Variants in PHKA1 observed in about 807,000 individuals in gnomAD.
The protein encoded by PHKA1 is phosphorylase b kinase regulatory subunit alpha, skeletal muscle isoform.
A neutral mutation model predicts 110.2 loss-of-function variants in PHKA1; 60 were observed. That is an observed-to-expected ratio of 0.54 (90% confidence interval 0.44 to 0.68). PHKA1 has a LOEUF of 0.68. Ranked by LOEUF, PHKA1 falls within the 30% of genes least tolerant of loss-of-function variation. PHKA1 has a pLI of 0.00. For synonymous variants in PHKA1, 316 were observed against 333.6 expected (o/e 0.95, Z 0.58); for missense variants, 801 against 942.5 (o/e 0.85, Z 1.97).
Position 72,669,298 on chromosome X carries a change from T to G in PHKA1, c.619-1825A>C, listed in dbSNP as rs782091386. Among the ~76,000 whole-genome samples, 38 of 112,161 alleles carry G rather than the reference T, an allele frequency of 3.4e-4. 1 individual carries two copies. The highest frequency in any genetic ancestry group is 9.4e-5 in the Admixed American group (1 of 10,599). ...TTGCTCTAGCGGGGGCTCTCTGTTG[T>G]GGTTCCACCCCTGTGACAAGTCTCT... On this transcript the variant is annotated intron_variant, in intron 6 of 31. Coordinates refer to ENST00000373542, the MANE Select transcript of PHKA1 (RefSeq NM_002637.4).
intron 1 of PHKA1, 80 bp downstream of exon 1, chrX:72,713,723 G>A (rs2054421086): frequency 1.1e-5 from 8 of 730,874 alleles, no homozygotes; most frequent in Non-Finnish European, 1.7e-5. Flanking sequence ...CGCACGCACG[G>A]AGTTCATCCA....
intron 28 of PHKA1, among the ~76,000 whole-genome samples, chrX:72,595,064 A>T (rs903611095): frequency 2.7e-5 from 3 of 111,874 alleles, no homozygotes; most frequent in Non-Finnish European, 5.6e-5. Context: ...AGAAAACCAA[A>T]TTCAGTGATA....
chrX:72,686,571 G>C (rs2030370172), intron 4 of PHKA1, among the ~76,000 whole-genome samples: 1 of 111,870 alleles, frequency 8.9e-6, no homozygotes. Context: ...TCACTACAAT[G>C]TTGCAATGAG....
At chrX:72,683,660 A>G (rs1556317843) in intron 5 of PHKA1, among the ~76,000 whole-genome samples, 1 of 112,214 alleles carries the variant, frequency 8.9e-6, no homozygotes, top group African/African-American at 3.2e-5. Flanking sequence ...CTCCTGAGGC[A>G]ATCATGGATC....
chrX:72,644,546 C>G lies in PHKA1; in HGVS notation c.1325-50G>C, dbSNP rs782063382. On this transcript the variant is annotated intron_variant, in intron 13 of 31. Coordinates refer to ENST00000373542, the MANE Select transcript of PHKA1 (RefSeq NM_002637.4). Reference sequence around the variant, plus strand: ...TCAACAGAAAATTTTATTTCAATAGCAACTTAACAATCTCTCAAGTTATAT... The same window carrying G: ...TCAACAGAAAATTTTATTTCAATAGGAACTTAACAATCTCTCAAGTTATAT... 3 of 1,057,326 alleles carry G rather than the reference C, an allele frequency of 2.8e-6. No individual in the cohort carries two copies. In the Admixed American group the frequency reaches 6.8e-5, roughly 24 times the overall value. 87.1% of individuals were successfully genotyped at this position (1,057,326 alleles called of 1,213,427 possible).
At chrX:72,697,454 A>T (rs923928525) in intron 3 of PHKA1, among the ~76,000 whole-genome samples, 1 of 109,393 alleles carries the variant, frequency 9.1e-6, no homozygotes, top group African/African-American at 3.3e-5. Context: ...ATGTGTGTGT[A>T]TATGTGTGCA....
intron 10 of PHKA1, among the ~76,000 whole-genome samples, chrX:72,655,684 G>A (rs2053485419): frequency 9.1e-6 from 1 of 110,086 alleles, no homozygotes; most frequent in South Asian, 4.0e-4. Context: ...GTGCAGTGGC[G>A]CGATCTTGGC....
At chrX:72,626,064 A>T (rs2053059632) in intron 17 of PHKA1, among the ~76,000 whole-genome samples, 1 of 106,251 alleles carries the variant, frequency 9.4e-6, no homozygotes. Context: ...GCATGTGTGT[A>T]CATGTGTGTA....
intron 6 of PHKA1, among the ~76,000 whole-genome samples, chrX:72,671,282 T>C (rs1293492760): frequency 9.0e-6 from 1 of 111,555 alleles, no homozygotes; most frequent in African/African-American, 3.3e-5. Context: ...AGCATTCTTA[T>C]ACACCAATAA....
chrX:72,656,015 C>G, intron 10 of PHKA1, 105 bp downstream of exon 10: 1 of 857,842 alleles, frequency 1.2e-6, no homozygotes. Context: ...AACTGTCTCT[C>G]CCCTATTAGG....
chrX:72,637,784 C>T (rs1316750051), intron 14 of PHKA1, among the ~76,000 whole-genome samples: 1 of 111,487 alleles, frequency 9.0e-6, no homozygotes, highest in Non-Finnish European at 1.9e-5. Flanking sequence ...ATCATTTGGG[C>T]TCTTGATAGG....
At chrX:72,640,740 A>G (rs782420114) in intron 14 of PHKA1, among the ~76,000 whole-genome samples, 13 of 111,741 alleles carry the variant, frequency 1.2e-4, no homozygotes, top group Admixed American at 1.1e-3. Flanking sequence ...CAACTTATGA[A>G]ATTTGGAGAG....
chrX:72,651,885 T>A lies in PHKA1; in HGVS notation c.1245+659A>T, dbSNP rs193031038. ...TGGGTTATATCTTATCAAAATAACA[T>A]AGAGTGGGGAAGTAGACTTGCCAGA... On this transcript the variant is annotated intron_variant, in intron 12 of 31. Coordinates refer to ENST00000373542, the MANE Select transcript of PHKA1 (RefSeq NM_002637.4). Among the ~76,000 whole-genome samples the A allele has an allele frequency of 1.9e-4, 21 of 111,746 alleles. No individual in the cohort carries two copies. The Middle Eastern group carries it at 0.014, about 73-fold the overall frequency.
At chrX:72,673,459 A>T (rs1556310076) in intron 6 of PHKA1, among the ~76,000 whole-genome samples, 3 of 112,059 alleles carry the variant, frequency 2.7e-5, no homozygotes, top group Non-Finnish European at 5.6e-5. Flanking sequence ...AAAAAGTAAA[A>T]AAGTTTAAAT....
chrX:72,639,978 C>T (rs5958808), intron 14 of PHKA1, among the ~76,000 whole-genome samples: 2 of 111,797 alleles, frequency 1.8e-5, no homozygotes, highest in Non-Finnish European at 3.8e-5. Context: ...AGTGCTGGAA[C>T]GATTGGTTAC....
intron 13 of PHKA1, among the ~76,000 whole-genome samples, chrX:72,649,181 G>A (rs1742065334): frequency 8.9e-6 from 1 of 112,015 alleles, no homozygotes; most frequent in Non-Finnish European, 1.9e-5. Flanking sequence ...ATGACCACAT[G>A]GGATGCCAAG....
intron 3 of PHKA1, among the ~76,000 whole-genome samples, chrX:72,696,534 C>T (rs2054117012): frequency 9.0e-6 from 1 of 111,659 alleles, no homozygotes; most frequent in African/African-American, 3.3e-5. Context: ...ATGCAACCAT[C>T]TGTCTCTCAC....
chrX:72,591,208 T>C (rs782063939), intron 29 of PHKA1, among the ~76,000 whole-genome samples: 2 of 112,163 alleles, frequency 1.8e-5, no homozygotes, highest in South Asian at 3.7e-4. Flanking sequence ...GTGGCACATA[T>C]ATACCATGGA....
At chrX:72,642,934 C>T (rs1281504577) in intron 14 of PHKA1, among the ~76,000 whole-genome samples, 3 of 111,117 alleles carry the variant, frequency 2.7e-5, no homozygotes, top group Non-Finnish European at 3.8e-5. Flanking sequence ...AGGGACATTC[C>T]TACATCATAG....
Sources: gnomAD v4.1 joint callset for allele counts (sites outside exome capture counted in the v4.1 genomes callset) on GRCh38, gnomAD v4.1.1 for gene constraint, MANE v1.5 for transcripts, NCBI Gene and HGNC (gene_info 2026-07-23, HGNC 2026-07-21) for gene names.